ANKFY1: variants seen among roughly 807,000 people sequenced by gnomAD.
ANKFY1 encodes ankyrin repeat and FYVE domain-containing protein 1.
Under a neutral mutation model 128.3 loss-of-function variants are expected in ANKFY1, and 47 were observed. The ratio of observed to expected loss-of-function variants is 0.37; its 90% CI spans 0.29 to 0.47. The LOEUF is 0.47. Among genes scored for constraint, ANKFY1 ranks in the 20% least tolerant of loss-of-function variants. ANKFY1 has a pLI of 1.00. For missense variants in ANKFY1, 1,222 were observed against 1,510.6 expected, an observed-to-expected ratio of 0.81 and a Z score of 3.17; for synonymous variants, 553 against 601.6, an observed-to-expected ratio of 0.92 and a Z score of 1.18.
At chr17:4,250,831 C>T (rs1313809849) in intron 1 of ANKFY1, among the ~76,000 whole-genome samples, 1 of 152,132 alleles carries the variant, frequency 6.6e-6, no homozygotes, top group Non-Finnish European at 1.5e-5. Flanking sequence ...GACAGGGTCT[C>T]AGTATGGCGC....
At chr17:4,206,245 A>G in intron 7 of ANKFY1, 76 bp downstream of exon 7, 2 of 1,519,422 alleles carry the variant, frequency 1.3e-6, no homozygotes, top group South Asian at 1.2e-5. Context: ...TTTTGGGAAC[A>G]AGGTCAGAAA....
intron 1 of ANKFY1, among the ~76,000 whole-genome samples, chr17:4,260,614 TC>T (rs904211807): frequency 1.1e-4 from 10 of 92,686 alleles, no homozygotes; most frequent in Non-Finnish European, 1.8e-4. Flanking sequence ...TGAGATCCTG[TC>T]TCCAAAAAAA....
At chr17:4,180,034 G>A in intron 16 of ANKFY1, 157 bp from the exon 17 acceptor site, 1 of 893,920 alleles carries the variant, frequency 1.1e-6, no homozygotes, top group Admixed American at 2.5e-5. Flanking sequence ...ACCAGAGTCG[G>A]GGTTCCACTC....
At position 4,164,623 on chromosome 17, in the gene ANKFY1, C is replaced by A. The variant is rs931296375; in HGVS notation, c.*3156G>T. 4 of 152,260 alleles carry A rather than the reference C, an allele frequency of 2.6e-5. No homozygotes were observed. The highest frequency in any genetic ancestry group is 5.9e-5 in the Non-Finnish European group (4 of 68,054). 9.4% of individuals were successfully genotyped at this position (152,260 alleles called of 1,614,324 possible). A position where few individuals can be genotyped will look rare whatever the true frequency, so the allele number is the denominator to read the frequency against. On this transcript the variant is annotated 3_prime_UTR_variant, in exon 25 of 25. Coordinates refer to ENST00000341657, the MANE Select transcript of ANKFY1 (RefSeq NM_001330063.2). ...TTTCAGGGTGAAGCATTACATAGTT[C>A]AAAAGTGTTCTTTTTCTCCAGATAA...
At chr17:4,232,602 G>A (rs1017603376) in intron 3 of ANKFY1, among the ~76,000 whole-genome samples, 3 of 152,144 alleles carry the variant, frequency 2.0e-5, no homozygotes, top group Admixed American at 1.3e-4. Flanking sequence ...ATCAAAACAC[G>A]CTTATTATTT....
At chr17:4,261,241 CACTTT>C (rs1968397549) in intron 1 of ANKFY1, among the ~76,000 whole-genome samples, 1 of 152,220 alleles carries the variant, frequency 6.6e-6, no homozygotes, top group Non-Finnish European at 1.5e-5. Context: ...GCAATCCCAG[CACTTT>C]GGGAGGCCGA....
intron 13 of ANKFY1, 92 bp from the exon 14 acceptor site, chr17:4,183,643 G>T: frequency 6.5e-7 from 1 of 1,535,318 alleles, no homozygotes; most frequent in Non-Finnish European, 8.9e-7. Context: ...GCTTCTCAAA[G>T]CCAGCAGTTT....
rs753940889 is a variant in ANKFY1 at position 4,195,414 on chromosome 17, C to T, written c.1161G>A (p.Leu387=). ...AGNEYVFSQL[L]QCKQLDLELK... is the part of the protein sequence containing the mutation. ...GTCTCCCTACGTACTGTTTGCACTG[C>T]AGCAGCTGACTGAACACATATTCAT... is the stretch of plus-strand genomic sequence containing the variant. The change falls in exon 9 of 25, where the codon CTG becomes CTA. Residue 387 remains leucine (L), a synonymous_variant. Coordinates refer to ENST00000341657, the MANE Select transcript of ANKFY1 (RefSeq NM_001330063.2). 7 of 1,614,022 alleles carry T rather than the reference C, an allele frequency of 4.3e-6. No individual in the cohort carries two copies. The African/African-American group carries it at 8.0e-5, about 18-fold the overall frequency.
chr17:4,206,576 C>T, intron 6 of ANKFY1, 90 bp from the exon 7 acceptor site: 3 of 1,222,582 alleles, frequency 2.5e-6, no homozygotes, highest in East Asian at 4.8e-5. Context: ...AATATCATCT[C>T]TTATACAAAT....
intron 3 of ANKFY1, among the ~76,000 whole-genome samples, chr17:4,227,667 A>G (rs186537950): frequency 1.8e-4 from 26 of 147,900 alleles, no homozygotes; most frequent in Admixed American, 1.7e-3. Flanking sequence ...GTTAATACTC[A>G]ATACTCAAAA....
At chr17:4,254,199 G>T (rs1967992444) in intron 1 of ANKFY1, among the ~76,000 whole-genome samples, 1 of 151,224 alleles carries the variant, frequency 6.6e-6, no homozygotes, top group Non-Finnish European at 1.5e-5. Context: ...AGCTACTCGG[G>T]AGGCTGAGGC....
intron 3 of ANKFY1, among the ~76,000 whole-genome samples, chr17:4,224,686 G>A (rs1314640248): frequency 1.3e-5 from 2 of 151,986 alleles, no homozygotes; most frequent in African/African-American, 2.4e-5. Flanking sequence ...TTAGTGAAAA[G>A]GAATTCTGCT....
chr17:4,234,090 T>A (rs2143270712), intron 3 of ANKFY1, among the ~76,000 whole-genome samples: 1 of 150,154 alleles, frequency 6.7e-6, no homozygotes. Flanking sequence ...TAACATGCTG[T>A]ACATGCTGTA....
chr17:4,223,916 TG>T (rs1182883293), intron 3 of ANKFY1: 1 of 623,904 alleles, frequency 1.6e-6, no homozygotes, highest in East Asian at 2.8e-5. Context: ...GAAGCACATT[TG>T]TCTTCCAGAA....
At chr17:4,261,512 T>C (rs780204435) in intron 1 of ANKFY1, among the ~76,000 whole-genome samples, 2 of 152,212 alleles carry the variant, frequency 1.3e-5, no homozygotes, top group Non-Finnish European at 2.9e-5. Context: ...AGAAAGACTG[T>C]GAAGTCAGAA....
intron 7 of ANKFY1, among the ~76,000 whole-genome samples, chr17:4,198,991 C>T (rs1474461430): frequency 2.0e-5 from 3 of 151,836 alleles, no homozygotes; most frequent in African/African-American, 7.3e-5. Context: ...ATGGGGAGAC[C>T]CCATCTCTAC....
chr17:4,192,108 T>C (rs71366594), intron 10 of ANKFY1, among the ~76,000 whole-genome samples: 66 of 104,794 alleles, frequency 6.3e-4, no homozygotes, highest in African/African-American at 1.9e-3. Flanking sequence ...AATCTGGAGA[T>C]GCCTAGTTGA....
At chr17:4,197,695 A>C (rs1216967350) in intron 7 of ANKFY1, 118 bp from the exon 8 acceptor site, 1 of 921,648 alleles carries the variant, frequency 1.1e-6, no homozygotes, top group Non-Finnish European at 1.7e-6. Flanking sequence ...ATGTGTCTGA[A>C]GGAACCTCTT....
chr17:4,180,955 T>G (rs2143003687), intron 16 of ANKFY1: 1 of 300,692 alleles, frequency 3.3e-6, no homozygotes, highest in Non-Finnish European at 6.4e-6. Context: ...AGCCATAGCC[T>G]CCTGCTTCAC....
Sources: allele counts gnomAD v4.1 joint callset (sites outside exome capture counted in the v4.1 genomes callset), GRCh38; gene constraint gnomAD v4.1.1; transcripts MANE v1.5; gene names NCBI Gene and HGNC (gene_info 2026-07-23, HGNC 2026-07-21).